The following ANKAR variants were observed in gnomAD, a reference collection of about 807,000 sequenced individuals.
ANKAR encodes ankyrin and armadillo repeat-containing protein.
Under a neutral mutation model 146.2 loss-of-function variants are expected in ANKAR, and 136 were observed. That is an observed-to-expected ratio of 0.93 (90% CI 0.81 to 1.07). ANKAR has a LOEUF of 1.07. Among genes scored for constraint, ANKAR ranks in the 50% least tolerant of loss-of-function variants. The pLI, the probability that ANKAR is intolerant of heterozygous loss-of-function variation, is 0.00. For synonymous variants in ANKAR, 500 were observed against 575.8 expected, an observed-to-expected ratio of 0.87 and a Z score of 1.88; for missense variants, 1,567 against 1,679.9, an observed-to-expected ratio of 0.93 and a Z score of 1.18.
At chr2:189,733,028 T>C in intron 16 of ANKAR, 79 bp from the exon 17 acceptor site, 7 of 1,354,104 alleles carry the variant, frequency 5.2e-6, no homozygotes, top group South Asian at 1.7e-5. Flanking sequence ...CAATGTATTC[T>C]ATATAAATGC....
At chr2:189,754,429 T>A in intron 18 of ANKAR, 1 of 1,293,940 alleles carries the variant, frequency 7.7e-7, no homozygotes, top group African/African-American at 1.5e-5. Flanking sequence ...TGAAAATTAC[T>A]AACAAAACAA....
At chr2:189,720,935 CA>C (rs759346361) in intron 12 of ANKAR, 148 bp downstream of exon 12, 9 of 555,096 alleles carry the variant, frequency 1.6e-5, no homozygotes, top group Non-Finnish European at 2.5e-5. Flanking sequence ...ATCCAAAACA[CA>C]ATTTATTTAT....
downstream of ANKAR, among the ~76,000 whole-genome samples, chr2:189,748,254 C>T (rs4666783): frequency 0.23 from 34,409 of 152,114 alleles, 4,125 homozygotes; most frequent in African/African-American, 0.29. Context: ...CCAGGTTGGA[C>T]GGCAATAGTG....
Position 189,733,230 on chromosome 2 carries a change from G to C in ANKAR, c.3423+1G>C, listed in dbSNP as rs766148115. The C allele has an allele frequency of 9.5e-6, 15 of 1,581,182 alleles. No individual in the cohort carries two copies. The highest frequency in any genetic ancestry group is 1.2e-5 in the Non-Finnish European group (14 of 1,167,402). On this transcript the variant is annotated splice_donor_variant, in intron 17 of 22. Transcript: ENST00000684021. LOFTEE classifies it high-confidence loss of function. Reference sequence around the variant, plus strand: ...TTATCTTCTTCACTCAACAGAAAAGGTAATACCTTTACAAAATATTGAGGT... The same window carrying C: ...TTATCTTCTTCACTCAACAGAAAAGCTAATACCTTTACAAAATATTGAGGT...
At chr2:189,745,841 A>AAT (rs1215059446) in intron 22 of ANKAR, among the ~76,000 whole-genome samples, 1 of 152,188 alleles carries the variant, frequency 6.6e-6, no homozygotes, top group Non-Finnish European at 1.5e-5. Context: ...GCTATATAGA[A>AAT]ATATATATAG....
chr2:189,752,234 G>A (rs1178306848), intron 18 of ANKAR, among the ~76,000 whole-genome samples: 6 of 152,028 alleles, frequency 3.9e-5, no homozygotes, highest in African/African-American at 1.4e-4. Context: ...GCTATCTTTC[G>A]GCCAATTCTC....
At position 189,705,218 on chromosome 2, in the gene ANKAR, C is replaced by T. The variant is rs199927151; in HGVS notation, c.1904C>T (p.Thr635Ile). The T allele has an allele frequency of 1.2e-4, 188 of 1,613,812 alleles. No homozygotes were observed. Among genetic ancestry groups the T allele is most frequent in the Non-Finnish European group, 1.4e-4 (160 of 1,179,942 alleles). Residue 635 changes from threonine to isoleucine, a missense_variant, in exon 8 of 23, where the codon ACA becomes ATA. Physicochemically the swap from Thr to Ile is moderately conservative, Grantham distance 89. Coordinates refer to ENST00000684021, the MANE Select transcript of ANKAR (RefSeq NM_001378068.1). ...KDPSLLEAEATAENQCTPLLL... is the reference protein window; with the variant it reads ...KDPSLLEAEAIAENQCTPLLL... ...CCTAGTTTGCTAGAAGCTGAGGCAA[C>T]AGCTGAGTAAGTCATTAAGCATTTA...
chr2:189,742,878 A>G (rs1559147281), intron 20 of ANKAR, among the ~76,000 whole-genome samples: 1 of 129,274 alleles, frequency 7.7e-6, no homozygotes, highest in African/African-American at 3.0e-5. Flanking sequence ...ACACACACAC[A>G]CACACACACA....
intron 2 of ANKAR, among the ~76,000 whole-genome samples, chr2:189,680,879 C>A (rs757791143): frequency 8.6e-5 from 13 of 152,046 alleles, no homozygotes; most frequent in Admixed American, 2.6e-4. Flanking sequence ...AATGTTAAGC[C>A]ATTTTTTAAA....
At chr2:189,731,906 T>A (rs565038589) in intron 16 of ANKAR, among the ~76,000 whole-genome samples, 53 of 152,232 alleles carry the variant, frequency 3.5e-4, no homozygotes, top group African/African-American at 1.2e-3. Flanking sequence ...TTCACTATTT[T>A]GCCCAGGCTG....
At chr2:189,755,236 T>C in intron 18 of ANKAR, 1 of 1,612,864 alleles carries the variant, frequency 6.2e-7, no homozygotes, top group Non-Finnish European at 8.5e-7. Context: ...AATCTGAAAC[T>C]CCTTGAACTA....
chr2:189,708,973 G>A (rs949692589), intron 9 of ANKAR, among the ~76,000 whole-genome samples: 5 of 152,120 alleles, frequency 3.3e-5, no homozygotes, highest in East Asian at 3.9e-4. Context: ...GTGGTGGCAC[G>A]TGCCTGTAGT....
At chr2:189,746,714 T>C, downstream of ANKAR, 1 of 1,325,364 alleles carries the variant, frequency 7.5e-7, no homozygotes, top group Non-Finnish European at 1.0e-6. Flanking sequence ...ATAACATAAC[T>C]GAATAATCTT....
intron 17 of ANKAR, among the ~76,000 whole-genome samples, chr2:189,736,968 G>A (rs1201278389): frequency 1.3e-5 from 2 of 151,744 alleles, no homozygotes; most frequent in East Asian, 3.9e-4. Context: ...TAGCTACTTG[G>A]GAGGCTGAAG....
At chr2:189,733,062 C>T (rs771261312) in intron 16 of ANKAR, 45 bp from the exon 17 acceptor site, 3 of 1,563,136 alleles carry the variant, frequency 1.9e-6, no homozygotes, top group African/African-American at 1.4e-5. Context: ...TGTGTAATTT[C>T]ATAAAGCATA....
intron 10 of ANKAR, among the ~76,000 whole-genome samples, chr2:189,714,266 T>G (rs146477205): frequency 6.6e-6 from 1 of 152,150 alleles, no homozygotes; most frequent in South Asian, 2.1e-4. Flanking sequence ...ACAGACCTAA[T>G]AGACATCCAC....
At position 189,719,722 on chromosome 2, in the gene ANKAR, T is replaced by G; in HGVS notation, c.2375T>G (p.Leu792Arg). The change falls in exon 11 of 23, where the codon CTG becomes CGG. Residue 792 changes from leucine to arginine, a missense_variant. Physicochemically the swap from Leu to Arg is moderately radical, Grantham distance 102. Coordinates refer to ENST00000684021, the MANE Select transcript of ANKAR (RefSeq NM_001378068.1). ...GGCATTCCATCTCTAATCAACCTAC[T>G]GGTTTGTGATGAGCCTGAAGTACAC... ...AGGIPSLINL[L>R]VCDEPEVHSR... is the part of the protein sequence containing the mutation. 2 of 1,614,126 alleles carry G rather than the reference T, an allele frequency of 1.2e-6. No individual in the cohort carries two copies. Among genetic ancestry groups the G allele is most frequent in the Non-Finnish European group, 1.7e-6 (2 of 1,179,960 alleles).
downstream of ANKAR, chr2:189,761,731 T>A (rs988281464): frequency 4.3e-6 from 6 of 1,394,332 alleles, no homozygotes; most frequent in Middle Eastern, 2.7e-4. Context: ...CAATATATAG[T>A]TTTACAGAAT....
At chr2:189,755,314 C>T (rs1275699069) in intron 18 of ANKAR, 2 of 1,613,450 alleles carry the variant, frequency 1.2e-6, no homozygotes, top group Non-Finnish European at 8.5e-7. Flanking sequence ...TATTGGTCAA[C>T]CTAATAGTAA....
Sources: allele counts gnomAD v4.1 joint callset (sites outside exome capture counted in the v4.1 genomes callset), GRCh38; gene constraint gnomAD v4.1.1; transcripts MANE v1.5; gene names NCBI Gene and HGNC (gene_info 2026-07-23, HGNC 2026-07-21).